Variants in NR5A2 observed in about 807,000 individuals in gnomAD.
NR5A2 encodes nuclear receptor subfamily 5 group A member 2, also known as CYP7A promoter-binding factor.
Under a neutral mutation model 62.7 loss-of-function variants are expected in NR5A2, and 26 were observed. The ratio of observed to expected loss-of-function variants is 0.41; its 90% CI spans 0.30 to 0.58. The LOEUF is 0.58. Ranked by LOEUF, NR5A2 falls within the 20% of genes least tolerant of loss-of-function variation. The pLI is 0.22. For synonymous variants in NR5A2, 246 were observed against 241.7 expected, an observed-to-expected ratio of 1.02 and a Z score of -0.16; for missense variants, 541 against 669.1, an observed-to-expected ratio of 0.81 and a Z score of 2.11.
rs1045808887 is a variant in NR5A2, at chr1:200,039,557, C to T, written c.65-101C>T. On this transcript the variant is annotated intron_variant, in intron 1 of 7. Coordinates refer to ENST00000367362, the MANE Select transcript of NR5A2 (RefSeq NM_205860.3). The surrounding 1 kb of genome is among the most constrained non-coding windows in gnomAD (Gnocchi z 5.1). ...GTCCTGCCCGGCAGCCCCGAGGAGG[C>T]GGAGGCACGCTCCGGCGAGGCGAGA... The T allele has an allele frequency of 2.6e-6, 4 of 1,551,780 alleles. No individual in the cohort carries two copies. Among genetic ancestry groups the T allele is most frequent in the African/African-American group, 2.8e-5 (2 of 71,958 alleles).
intron 5 of NR5A2, among the ~76,000 whole-genome samples, chr1:200,072,120 G>T (rs1663763835): frequency 6.6e-6 from 1 of 152,066 alleles, no homozygotes; most frequent in Non-Finnish European, 1.5e-5. Flanking sequence ...CGAGGTAAAG[G>T]AATACCAGGA....
intron 5 of NR5A2, among the ~76,000 whole-genome samples, chr1:200,053,569 G>A (rs868439710): frequency 1.9e-4 from 27 of 142,098 alleles, no homozygotes; most frequent in South Asian, 9.3e-4. Context: ...GCATGCACAC[G>A]CACACACACA....
At chr1:200,036,461 G>A (rs1661783808) in intron 1 of NR5A2, among the ~76,000 whole-genome samples, 1 of 152,188 alleles carries the variant, frequency 6.6e-6, no homozygotes, top group Admixed American at 6.5e-5. Context: ...AGAAGAAAGG[G>A]TGCACTTGGA....
chr1:200,036,428 G>C (rs928990479), intron 1 of NR5A2, among the ~76,000 whole-genome samples: 13 of 152,220 alleles, frequency 8.5e-5, no homozygotes, highest in Admixed American at 8.5e-4. Flanking sequence ...TGAGTGCTCA[G>C]AGGGAGGAGG....
intron 6 of NR5A2, among the ~76,000 whole-genome samples, chr1:200,117,293 T>C (rs1485561564): frequency 1.3e-5 from 2 of 152,256 alleles, no homozygotes; most frequent in Non-Finnish European, 2.9e-5. Context: ...GTTGGAGATC[T>C]GAATGTTGTT....
chr1:200,085,268 T>G (rs1664469117), intron 5 of NR5A2, among the ~76,000 whole-genome samples: 1 of 152,202 alleles, frequency 6.6e-6, no homozygotes, highest in African/African-American at 2.4e-5. Context: ...AAGTCCTTGG[T>G]AGATAGTATA....
In NR5A2 at chr1:200,162,530, G is replaced by A. The variant is rs542275720; in HGVS notation, c.1379-11433G>A. Among the ~76,000 whole-genome samples the A allele has an allele frequency of 4.6e-5, 7 of 152,254 alleles. No homozygotes were observed. The East Asian group carries it at 1.4e-3, about 29-fold the overall frequency. ...ATGATTTTAAGCAGAGGGAACTAGA[G>A]GACATAATTGGATTCACATTTAAAG... On this transcript the variant is annotated intron_variant, in intron 7 of 7. Transcript: ENST00000367362.
intron 7 of NR5A2, among the ~76,000 whole-genome samples, chr1:200,142,233 TCTGTTGC>T (rs1667476759): frequency 6.8e-6 from 1 of 146,442 alleles, no homozygotes; most frequent in Non-Finnish European, 1.5e-5. Flanking sequence ...GGAGCCTTGC[TCTGTTGC>T]CCAGGCTAGA....
At chr1:200,155,824 C>A (rs987799620) in intron 7 of NR5A2, among the ~76,000 whole-genome samples, 1 of 152,106 alleles carries the variant, frequency 6.6e-6, no homozygotes, top group Non-Finnish European at 1.5e-5. Context: ...CAGGTGCCAG[C>A]CACCATGCCC....
intron 3 of NR5A2, chr1:200,044,607 G>GT (rs1317538754): frequency 1.3e-5 from 2 of 151,680 alleles, no homozygotes; most frequent in Admixed American, 1.3e-4. Context: ...TTGTTTGTTT[G>GT]TTTTTGTTTT....
Position 200,030,980 on chromosome 1 carries a change from C to T in NR5A2, c.64+3069C>T, listed in dbSNP as rs543361027. Among the ~76,000 whole-genome samples the T allele has an allele frequency of 1.7e-4, 26 of 152,226 alleles. No homozygotes were observed. In the South Asian group the frequency reaches 4.8e-3, roughly 28 times the overall value. On this transcript the variant is annotated intron_variant, in intron 1 of 7. Coordinates refer to ENST00000367362, the MANE Select transcript of NR5A2 (RefSeq NM_205860.3). ...TCTCTGAAAGTAGACGTTTCATCAGCGGAAAGTGTGATAGCCATTATGTCA... is the reference window on the plus strand; with the variant it reads ...TCTCTGAAAGTAGACGTTTCATCAGTGGAAAGTGTGATAGCCATTATGTCA...
chr1:200,117,474 A>G (rs575658321), intron 6 of NR5A2, among the ~76,000 whole-genome samples: 7 of 152,230 alleles, frequency 4.6e-5, no homozygotes, highest in Non-Finnish European at 1.0e-4. Flanking sequence ...TTTGAGGTCC[A>G]TCTCACTAAA....
chr1:200,095,720 T>C (rs1171972638), intron 5 of NR5A2, among the ~76,000 whole-genome samples: 1 of 32,070 alleles, frequency 3.1e-5, no homozygotes, highest in Non-Finnish European at 5.9e-5. Context: ...GCCCAGCTAA[T>C]TTTTTGTATT....
chr1:200,067,207 T>C (rs1663523189), intron 5 of NR5A2, among the ~76,000 whole-genome samples: 1 of 151,754 alleles, frequency 6.6e-6, no homozygotes, highest in Admixed American at 6.6e-5. Context: ...TGGAGGCCAT[T>C]ATCCTTAGCA....
Position 200,106,797 on chromosome 1 carries a change from G to C in NR5A2, c.1111-4405G>C, listed in dbSNP as rs1412768124. 2.6e-5 allele frequency among the ~76,000 whole-genome samples: 4 copies of C among 152,190 alleles called. No homozygotes were observed. The East Asian group carries it at 7.7e-4, about 29-fold the overall frequency. ...AAAAATCTTCAAAATTGTCAACATT[G>C]CTCAATTGTTGAGAACAAGGGAACA... On this transcript the variant is annotated intron_variant, in intron 5 of 7. Coordinates refer to ENST00000367362, the MANE Select transcript of NR5A2 (RefSeq NM_205860.3).
chr1:200,149,308 G>A, intron 7 of NR5A2, among the ~76,000 whole-genome samples: 1 of 152,174 alleles, frequency 6.6e-6, no homozygotes, highest in East Asian at 1.9e-4. Context: ...GATGAGTGTG[G>A]GTCGCAATAA....
intron 5 of NR5A2, among the ~76,000 whole-genome samples, chr1:200,077,045 C>A (rs1321596125): frequency 6.6e-6 from 1 of 152,166 alleles, no homozygotes; most frequent in Non-Finnish European, 1.5e-5. Flanking sequence ...ACCTAACAAG[C>A]GTTTAAGGCA....
Position 200,109,805 on chromosome 1 carries a change from C to A in NR5A2, c.1111-1397C>A, listed in dbSNP as rs374977489. Among the ~76,000 whole-genome samples, 6 of 152,310 alleles carry A rather than the reference C, an allele frequency of 3.9e-5. 1 individual carries two copies. The highest frequency in any genetic ancestry group is 1.4e-4 in the African/African-American group (6 of 41,566). ...TTTGAGATGGAATCTTGCTCTGTCA[C>A]CCAGGCTGGAGTGCAGTGGCATGAT... On this transcript the variant is annotated intron_variant, in intron 5 of 7. Coordinates refer to ENST00000367362, the MANE Select transcript of NR5A2 (RefSeq NM_205860.3).
At chr1:200,148,200 G>A (rs936466675) in intron 7 of NR5A2, 1 of 264,140 alleles carries the variant, frequency 3.8e-6, no homozygotes, top group Non-Finnish European at 7.2e-6. Flanking sequence ...TGTCCGTTGG[G>A]CCTATCAGCC....
Sources: allele counts gnomAD v4.1 joint callset (sites outside exome capture counted in the v4.1 genomes callset), GRCh38; gene constraint gnomAD v4.1.1; non-coding constraint Gnocchi (gnomAD v3.1); transcripts MANE v1.5; gene names NCBI Gene and HGNC (gene_info 2026-07-23, HGNC 2026-07-21).